ARL13B: variants seen among roughly 807,000 people sequenced by gnomAD.
The protein encoded by ARL13B is ARF like GTPase 13B.
ARL13B carries 36 observed loss-of-function variants against 56.1 expected under a neutral mutation model. The ratio of observed to expected loss-of-function variants is 0.64; its 90% CI spans 0.49 to 0.85. The LOEUF is 0.85. Ranked by LOEUF, ARL13B falls within the 40% of genes least tolerant of loss-of-function variation. The pLI, the probability that ARL13B is intolerant of heterozygous loss-of-function variation, is 0.00. For missense variants in ARL13B, 519 were observed against 507.1 expected (o/e 1.02, Z -0.23); for synonymous variants, 178 against 171.1 (o/e 1.04, Z -0.32).
intron 1 of ARL13B, among the ~76,000 whole-genome samples, chr3:93,980,987 G>A (rs1238662488): frequency 6.6e-6 from 1 of 152,176 alleles, no homozygotes; most frequent in East Asian, 1.9e-4. Context: ...AATATTAAAT[G>A]AGAGTGATAA....
Position 93,980,216 on chromosome 3 carries a change from G to C in ARL13B, c.-208G>C. On this transcript the variant is annotated 5_prime_UTR_variant, in exon 1 of 10. Transcript: ENST00000394222. ...GTGTATCTGCGTCTTTGGTCAGGTT[G>C]TTCCTTGGCTAAGAGGGCAGTCGTC... is the stretch of plus-strand genomic sequence containing the variant. 1 of 712,916 alleles carries C rather than the reference G, an allele frequency of 1.4e-6. No individual in the cohort carries two copies. The highest frequency in any genetic ancestry group is 2.5e-6 in the Non-Finnish European group (1 of 397,020). 44.2% of individuals were successfully genotyped at this position (712,916 alleles called of 1,614,324 possible). A position where few individuals can be genotyped will look rare whatever the true frequency, so the allele number is the denominator to read the frequency against.
intron 8 of ARL13B, 29 bp from the exon 9 acceptor site, chr3:94,050,795 G>GT (rs2077054572): frequency 1.3e-6 from 2 of 1,599,542 alleles, no homozygotes; most frequent in Non-Finnish European, 8.5e-7. Context: ...GTTTAACAGT[G>GT]TTTTTTAAAT....
intron 3 of ARL13B, among the ~76,000 whole-genome samples, chr3:94,005,686 C>A (rs1055138470): frequency 1.3e-5 from 2 of 152,060 alleles, no homozygotes; most frequent in Non-Finnish European, 2.9e-5. Context: ...AATATAGAAT[C>A]GTTTGCCATT....
At chr3:94,014,807 T>C (rs923750672) in intron 3 of ARL13B, 1 of 1,614,112 alleles carries the variant, frequency 6.2e-7, no homozygotes, top group Non-Finnish European at 8.5e-7. Context: ...TTTGCTGCTA[T>C]TGTGTCATTG....
At position 94,036,747 on chromosome 3, in the gene ARL13B, G is replaced by C. The variant is rs752848590; in HGVS notation, c.682G>C (p.Glu228Gln). The change falls in exon 5 of 10, where the codon GAA (glutamate) becomes CAA (glutamine). Residue 228 changes from glutamate to glutamine, a missense_variant. Transcript: ENST00000394222. The part of the protein sequence containing the change: ...ERAERVRKLR[E>Q]ERKQNEQEQA... ...AGCTGAACGAGTGCGAAAATTACGA[G>C]AAGAAAGGTAAGTAGATTAATTTTG... The C allele has an allele frequency of 4.3e-6, 7 of 1,609,524 alleles. No individual in the cohort carries two copies. In the African/African-American group the frequency reaches 6.7e-5, roughly 15 times the overall value.
intron 2 of ARL13B, among the ~76,000 whole-genome samples, chr3:93,997,940 T>C (rs2075994150): frequency 6.6e-6 from 1 of 152,038 alleles, no homozygotes; most frequent in Non-Finnish European, 1.5e-5. Context: ...GAGCTGGGAT[T>C]GCGCCACTGC....
At chr3:94,041,008 A>G (rs1359047556) in intron 6 of ARL13B, among the ~76,000 whole-genome samples, 5 of 152,172 alleles carry the variant, frequency 3.3e-5, no homozygotes, top group Non-Finnish European at 5.9e-5. Context: ...GCATGGGGAA[A>G]GTACACTTAA....
chr3:93,985,011 A>G (rs933256891), intron 1 of ARL13B, among the ~76,000 whole-genome samples: 2 of 148,784 alleles, frequency 1.3e-5, no homozygotes, highest in African/African-American at 4.9e-5. Flanking sequence ...CCCTGTCTCA[A>G]TCAATCAATC....
intron 3 of ARL13B, among the ~76,000 whole-genome samples, chr3:94,025,375 G>A (rs1310522135): frequency 6.6e-6 from 1 of 152,080 alleles, no homozygotes; most frequent in Non-Finnish European, 1.5e-5. Flanking sequence ...TGTAAACGAT[G>A]TTTAAAGTGA....
rs1042951844 is a variant in ARL13B, at chr3:93,980,279, C to T, written c.-145C>T. 9.4e-6 allele frequency: 10 copies of T among 1,060,672 alleles called. No individual in the cohort carries two copies. The highest frequency in any genetic ancestry group is 1.6e-5 in the African/African-American group (1 of 63,800). The allele number at this position is 1,060,672 out of a possible 1,614,324, so 65.7% of individuals were successfully genotyped here. ...GGTTAGCAAGGCTTAGTGCTCGGGC[C>T]GGCCGCCTTCACTTCCCTCCCGGCT... is the stretch of plus-strand genomic sequence containing the variant. On this transcript the variant is annotated 5_prime_UTR_variant, in exon 1 of 10. Transcript: ENST00000394222.
intron 7 of ARL13B, among the ~76,000 whole-genome samples, chr3:94,045,823 C>T (rs1252236521): frequency 4.0e-5 from 6 of 151,206 alleles, no homozygotes; most frequent in Non-Finnish European, 7.4e-5. Context: ...TGGTGGTGGG[C>T]GCCTGTGGTC....
chr3:94,008,414 A>G (rs2076168516), intron 3 of ARL13B, among the ~76,000 whole-genome samples: 1 of 152,168 alleles, frequency 6.6e-6, no homozygotes, highest in African/African-American at 2.4e-5. Context: ...GGCCTTTCCA[A>G]GAGAAAAAGT....
chr3:94,027,081 A>G (rs1414211308), intron 3 of ARL13B, among the ~76,000 whole-genome samples: 2 of 152,124 alleles, frequency 1.3e-5, no homozygotes, highest in African/African-American at 4.8e-5. Context: ...TTTTTAAAGT[A>G]GGCCATTTCT....
intron 8 of ARL13B, 108 bp downstream of exon 8, chr3:94,049,630 C>CTTGT (rs1312652991): frequency 1.2e-5 from 9 of 740,840 alleles, no homozygotes; most frequent in African/African-American, 1.8e-5. Flanking sequence ...TATTCATTAT[C>CTTGT]TTGTATACTT....
chr3:94,039,943 A>C lies in ARL13B; in HGVS notation c.753A>C (p.Pro251=). 1 of 1,614,152 alleles carries C rather than the reference A, an allele frequency of 6.2e-7. No individual in the cohort carries two copies. Among genetic ancestry groups the C allele is most frequent in the Middle Eastern group, 1.6e-4 (1 of 6,062 alleles). ...CCAGTGGTCTGGCTGAGTTGGACCC[A>C]GAACCAACGAATCCTTTCCAGCCAA... ...DGTSGLAELD[P]EPTNPFQPIA... The change falls in exon 6 of 10, where the codon CCA becomes CCC. Residue 251 remains proline (P), a synonymous_variant. Coordinates refer to ENST00000394222, the MANE Select transcript of ARL13B (RefSeq NM_001174150.2).
At chr3:93,991,276 G>T (rs1051265014) in intron 1 of ARL13B, among the ~76,000 whole-genome samples, 15 of 152,128 alleles carry the variant, frequency 9.9e-5, no homozygotes, top group African/African-American at 3.4e-4. Context: ...CAAACTAAAA[G>T]ATATTGGCAA....
intron 3 of ARL13B, among the ~76,000 whole-genome samples, chr3:94,005,462 G>C (rs111906956): frequency 1.3e-5 from 2 of 152,160 alleles, no homozygotes; most frequent in Non-Finnish European, 2.9e-5. Context: ...CAAAGTCGGG[G>C]TATACAGTTG....
intron 3 of ARL13B, among the ~76,000 whole-genome samples, chr3:94,032,377 A>G (rs894337486): frequency 1.3e-5 from 2 of 152,264 alleles, no homozygotes; most frequent in Non-Finnish European, 2.9e-5. Flanking sequence ...CAGAATTTTT[A>G]GCTGTTACTG....
Position 94,036,606 on chromosome 3 carries a change from A to G in ARL13B, c.541A>G (p.Lys181Glu), listed in dbSNP as rs1457967935. The G allele has an allele frequency of 1.9e-6, 3 of 1,614,016 alleles. No homozygotes were observed. Among genetic ancestry groups the G allele is most frequent in the Non-Finnish European group, 8.5e-7 (1 of 1,180,016 alleles). ...YGKKIDKSIK[K>E]GLYWLLHVIA... is the part of the protein sequence containing the mutation. ...AAAGAAAATTGACAAGTCCATTAAA[A>G]AAGGCCTTTATTGGCTGCTACATGT... is the stretch of plus-strand genomic sequence containing the variant. Residue 181 changes from lysine to glutamate, a missense_variant, in exon 5 of 10, where the codon AAA becomes GAA. Coordinates refer to ENST00000394222, the MANE Select transcript of ARL13B (RefSeq NM_001174150.2).
Sources: allele counts gnomAD v4.1 joint callset (sites outside exome capture counted in the v4.1 genomes callset), GRCh38; gene constraint gnomAD v4.1.1; transcripts MANE v1.5; gene names NCBI Gene and HGNC (gene_info 2026-07-23, HGNC 2026-07-21).